Variants in DAAM1 observed in about 807,000 individuals in gnomAD.
DAAM1 encodes disheveled-associated activator of morphogenesis 1.
In DAAM1, 52 loss-of-function variants were observed where a neutral mutation model predicts 130.0. That is an observed-to-expected ratio of 0.40 (90% CI 0.32 to 0.50). The LOEUF (loss-of-function observed/expected upper bound fraction) is 0.50. DAAM1 is among the 20% of genes least tolerant of loss of function. The pLI is 0.61. For synonymous variants in DAAM1, 452 were observed against 444.5 expected (o/e 1.02, Z -0.21); for missense variants, 1,134 against 1,303.8 (o/e 0.87, Z 2.01).
intron 20 of DAAM1, among the ~76,000 whole-genome samples, chr14:59,358,862 A>T (rs1886593481): frequency 6.6e-6 from 1 of 151,132 alleles, no homozygotes; most frequent in Admixed American, 6.6e-5. Flanking sequence ...AGTATCAATA[A>T]TTGTCATCAG....
chr14:59,271,926 A>G (rs188150595), intron 2 of DAAM1, among the ~76,000 whole-genome samples: 27 of 152,330 alleles, frequency 1.8e-4, no homozygotes, highest in African/African-American at 6.5e-4. Context: ...AAGAAAGATG[A>G]AAAAATTGCG....
At chr14:59,338,894 T>C (rs1321201970) in intron 15 of DAAM1, among the ~76,000 whole-genome samples, 1 of 152,188 alleles carries the variant, frequency 6.6e-6, no homozygotes, top group Non-Finnish European at 1.5e-5. Flanking sequence ...AGATGCTTGA[T>C]ATGCTTAGTG....
At chr14:59,196,510 G>A (rs190437060) in intron 1 of DAAM1, among the ~76,000 whole-genome samples, 32 of 152,308 alleles carry the variant, frequency 2.1e-4, no homozygotes, top group African/African-American at 7.5e-4. Context: ...TTGGGAGGAC[G>A]AGGCGGGCAT....
chr14:59,267,538 A>G (rs1251482990), intron 2 of DAAM1, among the ~76,000 whole-genome samples: 6 of 152,164 alleles, frequency 3.9e-5, no homozygotes, highest in African/African-American at 1.2e-4. Context: ...AATAATTCAT[A>G]TATAATTCAC....
At chr14:59,278,699 C>T (rs1288826290) in intron 2 of DAAM1, among the ~76,000 whole-genome samples, 3 of 152,086 alleles carry the variant, frequency 2.0e-5, no homozygotes, top group Admixed American at 2.0e-4. Context: ...AAAACATTGC[C>T]TGTTGCTTGG....
At chr14:59,333,509 C>T (rs1026237392) in intron 15 of DAAM1, among the ~76,000 whole-genome samples, 8 of 152,196 alleles carry the variant, frequency 5.3e-5, no homozygotes, top group East Asian at 3.8e-4. Flanking sequence ...GTCTGCTGTC[C>T]TGAGAAGGTG....
chr14:59,325,543 T>C (rs1771915270), intron 8 of DAAM1, 121 bp from the exon 9 acceptor site: 5 of 830,392 alleles, frequency 6.0e-6, no homozygotes, highest in Non-Finnish European at 7.4e-6. Context: ...TTTTGTTACA[T>C]TGTTCCTTTT....
At chr14:59,200,490 C>T (rs919159115) in intron 1 of DAAM1, among the ~76,000 whole-genome samples, 1 of 151,822 alleles carries the variant, frequency 6.6e-6, no homozygotes, top group Non-Finnish European at 1.5e-5. Flanking sequence ...GTTTTTTAAA[C>T]TTGACTCTAA....
At chr14:59,236,730 T>C (rs1293669519) in intron 1 of DAAM1, among the ~76,000 whole-genome samples, 1 of 152,140 alleles carries the variant, frequency 6.6e-6, no homozygotes, top group East Asian at 1.9e-4. Flanking sequence ...TGGGTAACGC[T>C]CATCTGTCTG....
At chr14:59,190,366 C>G (rs1444346082) in intron 1 of DAAM1, among the ~76,000 whole-genome samples, 1 of 152,148 alleles carries the variant, frequency 6.6e-6, no homozygotes, top group Non-Finnish European at 1.5e-5. Flanking sequence ...GGGCTAGCCG[C>G]ATCATTTCCC....
Position 59,258,633 on chromosome 14 carries a change from A to G in DAAM1, c.-37-4808A>G, listed in dbSNP as rs564409860. ...GTGGGCAGGTTCTTCTGAGGGGTCCAGCGGAATGATTCCTTTTGTTTCCTG... is the reference window on the plus strand; with the variant it reads ...GTGGGCAGGTTCTTCTGAGGGGTCCGGCGGAATGATTCCTTTTGTTTCCTG... On this transcript the variant is annotated intron_variant, in intron 1 of 24. Transcript: ENST00000360909. 9.2e-5 allele frequency among the ~76,000 whole-genome samples: 14 copies of G among 152,338 alleles called. No homozygotes were observed. The South Asian group carries it at 2.5e-3, about 27-fold the overall frequency.
At chr14:59,200,644 C>T (rs902757051) in intron 1 of DAAM1, among the ~76,000 whole-genome samples, 1 of 152,192 alleles carries the variant, frequency 6.6e-6, no homozygotes, top group African/African-American at 2.4e-5. Context: ...AAAGATAATG[C>T]TTAAGGAAGC....
Position 59,315,328 on chromosome 14 carries a change from G to C in DAAM1, c.322G>C (p.Asp108His). Reference protein sequence around the residue: ...GATSWPEFYIDQLNSMAARKS... With the variant: ...GATSWPEFYIHQLNSMAARKS... ...TACAAGTTGGCCTGAATTCTACATT[G>C]ATCAGCTCAATTCCATGGCTGCTGT... The change falls in exon 4 of 25, where the codon GAT becomes CAT. Residue 108 changes from aspartate to histidine, a missense_variant. Coordinates refer to ENST00000360909, the MANE Select transcript of DAAM1 (RefSeq NM_001270520.2). 1 of 1,613,972 alleles carries C rather than the reference G, an allele frequency of 6.2e-7. No homozygotes were observed. The highest frequency in any genetic ancestry group is 8.5e-7 in the Non-Finnish European group (1 of 1,179,936).
chr14:59,231,667 A>G (rs941074002), intron 1 of DAAM1, among the ~76,000 whole-genome samples: 9 of 152,164 alleles, frequency 5.9e-5, no homozygotes, highest in African/African-American at 2.2e-4. Context: ...CTCACTGTAT[A>G]ACATGCCAGT....
At chr14:59,247,460 T>G (rs1278243459) in intron 1 of DAAM1, among the ~76,000 whole-genome samples, 2 of 152,236 alleles carry the variant, frequency 1.3e-5, no homozygotes, top group Non-Finnish European at 2.9e-5. Flanking sequence ...GCTTTCAATC[T>G]GTAGATTGCT....
intron 17 of DAAM1, among the ~76,000 whole-genome samples, chr14:59,351,885 T>A (rs1009051999): frequency 6.6e-6 from 1 of 152,158 alleles, no homozygotes; most frequent in Non-Finnish European, 1.5e-5. Context: ...CAGTTTTAAA[T>A]ATTTTACTAT....
intron 4 of DAAM1, among the ~76,000 whole-genome samples, chr14:59,317,346 C>A (rs1301040085): frequency 2.0e-5 from 3 of 152,140 alleles, no homozygotes; most frequent in Admixed American, 2.0e-4. Context: ...AGACCAGAAA[C>A]CCTATGCTGA....
At chr14:59,211,306 A>T (rs1888418701) in intron 1 of DAAM1, among the ~76,000 whole-genome samples, 1 of 151,956 alleles carries the variant, frequency 6.6e-6, no homozygotes, top group Non-Finnish European at 1.5e-5. Flanking sequence ...ATTTTCTGGG[A>T]CTCTATTTTA....
In DAAM1 at chr14:59,295,771, A is replaced by G. The variant is rs139865842; in HGVS notation, c.273+4465A>G. 1.6e-3 allele frequency among the ~76,000 whole-genome samples: 237 copies of G among 152,338 alleles called. 1 individual carries two copies. The highest frequency in any genetic ancestry group is 2.4e-3 in the Admixed American group (36 of 15,304). ...AGACATCGGTCTTCTAGTTCTTCCC[A>G]ATATCTTTGTGAGAAAAGGGGTAAA... On this transcript the variant is annotated intron_variant, in intron 3 of 24. Coordinates refer to ENST00000360909, the MANE Select transcript of DAAM1 (RefSeq NM_001270520.2).
Sources: allele counts gnomAD v4.1 joint callset (sites outside exome capture counted in the v4.1 genomes callset), GRCh38; gene constraint gnomAD v4.1.1; transcripts MANE v1.5; gene names NCBI Gene and HGNC (gene_info 2026-07-23, HGNC 2026-07-21).